The following GRID1 variants were observed in gnomAD, a reference collection of about 807,000 sequenced individuals.
GRID1 encodes glutamate receptor ionotropic, delta-1.
GRID1 carries 28 observed loss-of-function variants against 98.0 expected under a neutral mutation model. The ratio of observed to expected loss-of-function variants is 0.29; its 90% CI spans 0.21 to 0.39. The LOEUF (loss-of-function observed/expected upper bound fraction) is 0.39. Among genes scored for constraint, GRID1 ranks in the 10% least tolerant of loss-of-function variants. GRID1 has a pLI of 1.00. For missense variants in GRID1, 1,111 were observed against 1,340.5 expected (o/e 0.83, Z 2.67); for synonymous variants, 553 against 538.5 (o/e 1.03, Z -0.37).
intron 12 of GRID1, among the ~76,000 whole-genome samples, chr10:85,691,842 A>G (rs2132611091): frequency 6.6e-6 from 1 of 152,298 alleles, no homozygotes; most frequent in Non-Finnish European, 1.5e-5. Flanking sequence ...TTGTCAGAAG[A>G]TTGATGGGTC....
intron 2 of GRID1, among the ~76,000 whole-genome samples, chr10:86,259,819 T>C (rs912068461): frequency 2.6e-5 from 4 of 152,230 alleles, no homozygotes; most frequent in East Asian, 1.9e-4. Context: ...ACCTCTTCCA[T>C]AGCAGGCTCC....
chr10:85,599,800 A>ATAT lies in GRID1; in HGVS notation c.*2472_*2473insATA, dbSNP rs1554857289. 3.2e-4 allele frequency: 15 copies of ATAT among 46,372 alleles called. No individual in the cohort carries two copies. Among genetic ancestry groups the ATAT allele is most frequent in the Non-Finnish European group, 6.1e-4 (15 of 24,460 alleles). 2.9% of individuals were successfully genotyped at this position (46,372 alleles called of 1,614,324 possible). A position where few individuals can be genotyped will look rare whatever the true frequency, so the allele number is the denominator to read the frequency against. ...GGGTAGAAAATTCTAAAAAAAAAAA[A>ATAT]AAATATATATATATATATATAAACA... On this transcript the variant is annotated 3_prime_UTR_variant, in exon 16 of 16. Coordinates refer to ENST00000327946, the MANE Select transcript of GRID1 (RefSeq NM_017551.3).
intron 4 of GRID1, among the ~76,000 whole-genome samples, chr10:86,099,536 A>C (rs1282551482): frequency 6.6e-6 from 1 of 152,056 alleles, no homozygotes; most frequent in Non-Finnish European, 1.5e-5. Context: ...TCAAGGTCAA[A>C]TTCATCTTTC....
chr10:85,899,837 C>T (rs1348141689), intron 5 of GRID1, among the ~76,000 whole-genome samples: 1 of 152,134 alleles, frequency 6.6e-6, no homozygotes, highest in African/African-American at 2.4e-5. Flanking sequence ...AAGGTTCAGC[C>T]CCTCATTGCC....
chr10:85,693,246 T>C (rs558363300), intron 12 of GRID1, among the ~76,000 whole-genome samples: 128 of 152,286 alleles, frequency 8.4e-4, no homozygotes, highest in Non-Finnish European at 1.4e-3. Context: ...CTGGGGTGTA[T>C]GGAGCAAGTG....
At chr10:86,159,711 G>C (rs1356104233) in intron 3 of GRID1, among the ~76,000 whole-genome samples, 1 of 152,162 alleles carries the variant, frequency 6.6e-6, no homozygotes, top group Non-Finnish European at 1.5e-5. Context: ...CAGAGGCAGG[G>C]GGCACAGGGC....
At chr10:85,820,063 CAGGCAGGAAGGCAGGT>C (rs1215125037) in intron 8 of GRID1, among the ~76,000 whole-genome samples, 6 of 100,558 alleles carry the variant, frequency 6.0e-5, no homozygotes, top group Admixed American at 3.1e-4. Context: ...GGCAGGCAGG[CAGGCAGGAAGGCAGGT>C]AGGCAGGCAG....
At chr10:86,346,992 C>T (rs1431223300) in intron 2 of GRID1, among the ~76,000 whole-genome samples, 1 of 152,162 alleles carries the variant, frequency 6.6e-6, no homozygotes, top group Admixed American at 6.5e-5. Context: ...CCTGCGTGAA[C>T]GCTGAGCACA....
At chr10:86,029,148 T>C (rs1164897708) in intron 4 of GRID1, among the ~76,000 whole-genome samples, 5 of 152,190 alleles carry the variant, frequency 3.3e-5, no homozygotes, top group Non-Finnish European at 7.4e-5. Flanking sequence ...TTCTCAAATT[T>C]AACATTTCCA....
At chr10:86,042,814 A>C (rs990677494) in intron 4 of GRID1, among the ~76,000 whole-genome samples, 1 of 152,234 alleles carries the variant, frequency 6.6e-6, no homozygotes, top group Non-Finnish European at 1.5e-5. Context: ...GCCTGGGCAC[A>C]GTGGCTTACA....
At chr10:85,820,424 T>C (rs764801229) in intron 8 of GRID1, among the ~76,000 whole-genome samples, 2 of 152,218 alleles carry the variant, frequency 1.3e-5, no homozygotes, top group Admixed American at 6.5e-5. Flanking sequence ...TTCATATGTC[T>C]AGTGTTCCAC....
At chr10:85,940,288 C>G (rs78529795) in intron 4 of GRID1, among the ~76,000 whole-genome samples, 2,411 of 152,282 alleles carry the variant, frequency 0.016, 49 homozygotes, top group Non-Finnish European at 0.023. Flanking sequence ...TATTTACCTT[C>G]TCTGTCTGGC....
At chr10:85,670,483 GA>G (rs1841072621) in intron 12 of GRID1, among the ~76,000 whole-genome samples, 1 of 152,116 alleles carries the variant, frequency 6.6e-6, no homozygotes, top group Non-Finnish European at 1.5e-5. Context: ...AGATACCTCA[GA>G]AAAAGGGTCA....
intron 4 of GRID1, among the ~76,000 whole-genome samples, chr10:86,092,729 T>C (rs529217876): frequency 3.2e-4 from 49 of 152,044 alleles, no homozygotes; most frequent in Non-Finnish European, 6.6e-4. Flanking sequence ...GCTCCCAAAT[T>C]TATAAAACAA....
intron 8 of GRID1, among the ~76,000 whole-genome samples, chr10:85,730,106 C>T (rs1841806259): frequency 6.6e-6 from 1 of 152,236 alleles, no homozygotes; most frequent in Non-Finnish European, 1.5e-5. Context: ...CTATGGCAAG[C>T]AGGGTCAAGA....
intron 3 of GRID1, among the ~76,000 whole-genome samples, chr10:86,148,269 A>G (rs960805917): frequency 6.6e-6 from 1 of 152,248 alleles, no homozygotes; most frequent in Non-Finnish European, 1.5e-5. Flanking sequence ...TACATGCACA[A>G]TGGAATGCTC....
intron 12 of GRID1, among the ~76,000 whole-genome samples, chr10:85,688,088 A>C (rs78319550): frequency 0.032 from 4,951 of 152,352 alleles, 124 homozygotes; most frequent in Middle Eastern, 0.048. Context: ...CAAGTTTTCC[A>C]GGAAGATGAA....
At chr10:85,644,926 T>A (rs1843166213) in intron 13 of GRID1, among the ~76,000 whole-genome samples, 1 of 152,246 alleles carries the variant, frequency 6.6e-6, no homozygotes, top group Non-Finnish European at 1.5e-5. Flanking sequence ...ATCTCTTCAT[T>A]TGATTACTGG....
intron 5 of GRID1, among the ~76,000 whole-genome samples, chr10:85,872,070 C>A (rs1458289115): frequency 6.6e-6 from 1 of 152,142 alleles, no homozygotes; most frequent in Non-Finnish European, 1.5e-5. Context: ...GGGAGGGGAG[C>A]AGAGGGCACA....
Sources: gnomAD v4.1 joint callset for allele counts (sites outside exome capture counted in the v4.1 genomes callset) on GRCh38, gnomAD v4.1.1 for gene constraint, MANE v1.5 for transcripts, NCBI Gene and HGNC (gene_info 2026-07-23, HGNC 2026-07-21) for gene names.